SLC39A10: variants seen among roughly 807,000 people sequenced by gnomAD.
SLC39A10 encodes the protein solute carrier family 39 member 10, also known as zinc transporter ZIP10.
A neutral mutation model predicts 65.1 loss-of-function variants in SLC39A10; 13 were observed. The ratio of observed to expected loss-of-function variants is 0.20; its 90% confidence interval spans 0.13 to 0.32. SLC39A10 has a LOEUF of 0.32. SLC39A10 is among the 10% of genes least tolerant of loss of function. The pLI, the probability that SLC39A10 is intolerant of heterozygous loss-of-function variation, is 1.00. For missense variants in SLC39A10, 831 were observed against 1,018.4 expected (o/e 0.82, Z 2.50); for synonymous variants, 321 against 342.2 (o/e 0.94, Z 0.68).
At chr2:195,630,238 C>T (rs1688560039) in intron 2 of SLC39A10, among the ~76,000 whole-genome samples, 1 of 150,980 alleles carries the variant, frequency 6.6e-6, no homozygotes, top group Non-Finnish European at 1.5e-5. Flanking sequence ...GTTGGGGTTC[C>T]CACAACCCCC....
chr2:195,631,621 C>T (rs529177597), intron 2 of SLC39A10, among the ~76,000 whole-genome samples: 17 of 152,170 alleles, frequency 1.1e-4, no homozygotes, highest in African/African-American at 2.6e-4. Flanking sequence ...TTGGCATTTA[C>T]GCAAGATCAG....
intron 2 of SLC39A10, among the ~76,000 whole-genome samples, chr2:195,623,179 C>A (rs1374241820): frequency 6.6e-6 from 1 of 151,996 alleles, no homozygotes; most frequent in African/African-American, 2.4e-5. Flanking sequence ...GTAAATGAAT[C>A]ACTTCCCTTC....
chr2:195,689,908 G>A (rs1690664575), intron 3 of SLC39A10, among the ~76,000 whole-genome samples: 1 of 152,124 alleles, frequency 6.6e-6, no homozygotes, highest in South Asian at 2.1e-4. Flanking sequence ...CGGTCACAGT[G>A]GCTCACGCCT....
At chr2:195,698,249 A>G (rs770483733) in intron 3 of SLC39A10, among the ~76,000 whole-genome samples, 2 of 152,146 alleles carry the variant, frequency 1.3e-5, no homozygotes, top group Non-Finnish European at 2.9e-5. Flanking sequence ...ATGATTTTCT[A>G]TATGTAAGAT....
At chr2:195,622,611 A>G (rs1688372624) in intron 2 of SLC39A10, among the ~76,000 whole-genome samples, 1 of 152,200 alleles carries the variant, frequency 6.6e-6, no homozygotes, top group African/African-American at 2.4e-5. Context: ...AAGGTCAGGG[A>G]GTTTTAAAAG....
intron 8 of SLC39A10, among the ~76,000 whole-genome samples, chr2:195,723,504 G>A (rs915901142): frequency 8.5e-5 from 13 of 152,064 alleles, no homozygotes; most frequent in South Asian, 2.1e-4. Context: ...CCTGAGTGTC[G>A]TCTGCACTCT....
chr2:195,650,019 T>C (rs935574481), intron 2 of SLC39A10, among the ~76,000 whole-genome samples: 1 of 152,132 alleles, frequency 6.6e-6, no homozygotes, highest in African/African-American at 2.4e-5. Context: ...GAGGTATAAA[T>C]AGGTAATACA....
In SLC39A10 at chr2:195,680,575, T is replaced by C. The variant is rs764396270; in HGVS notation, c.533T>C (p.Leu178Pro). Reference sequence around the variant, plus strand: ...CATATGCATGACCATAATCACCGCCTACGTCATCACCATCGTTTGCATCAT... The same window carrying C: ...CATATGCATGACCATAATCACCGCCCACGTCATCACCATCGTTTGCATCAT... ...DKHMHDHNHRLRHHHRLHHHL... is the reference protein window; with the variant it reads ...DKHMHDHNHRPRHHHRLHHHL... Residue 178 changes from leucine to proline, a missense_variant, in exon 2 of 10, where the codon CTA becomes CCA. Transcript: ENST00000359634. 1 of 1,614,176 alleles carries C rather than the reference T, an allele frequency of 6.2e-7. No individual in the cohort carries two copies. The highest frequency in any genetic ancestry group is 8.5e-7 in the Non-Finnish European group (1 of 1,180,034).
chr2:195,734,330 C>T (rs1692518059), intron 9 of SLC39A10, among the ~76,000 whole-genome samples: 1 of 151,972 alleles, frequency 6.6e-6, no homozygotes, highest in African/African-American at 2.4e-5. Context: ...CCCACCACGC[C>T]CAGCTAATTT....
At chr2:195,691,026 C>T (rs932613738) in intron 3 of SLC39A10, among the ~76,000 whole-genome samples, 2 of 152,046 alleles carry the variant, frequency 1.3e-5, no homozygotes, top group African/African-American at 4.8e-5. Context: ...CGCTGAGTCC[C>T]CGAAGTTCAT....
chr2:195,637,709 G>T (rs892605014), intron 2 of SLC39A10, among the ~76,000 whole-genome samples: 1 of 152,170 alleles, frequency 6.6e-6, no homozygotes, highest in Admixed American at 6.5e-5. Flanking sequence ...TTAAACAAGG[G>T]TTTCTTCTTT....
intron 5 of SLC39A10, among the ~76,000 whole-genome samples, chr2:195,709,488 T>C (rs1691531045): frequency 6.6e-6 from 1 of 152,100 alleles, no homozygotes; most frequent in Admixed American, 6.6e-5. Flanking sequence ...TGCCTTAGCC[T>C]CCCAAAGTGC....
intron 2 of SLC39A10, among the ~76,000 whole-genome samples, chr2:195,624,774 G>A (rs1688427922): frequency 4.6e-5 from 7 of 150,788 alleles, no homozygotes; most frequent in Admixed American, 4.0e-4. Context: ...AGCTACTCAG[G>A]AGCCTGAGGC....
At chr2:195,636,516 C>G (rs1688698756) in intron 2 of SLC39A10, among the ~76,000 whole-genome samples, 1 of 152,144 alleles carries the variant, frequency 6.6e-6, no homozygotes, top group Admixed American at 6.5e-5. Context: ...CTTTGGGAGG[C>G]TGAGGCGGGT....
Position 195,685,095 on chromosome 2 carries a change from A to AT in SLC39A10, c.1216+1198dup, listed in dbSNP as rs201713991. Among the ~76,000 whole-genome samples the AT allele has an allele frequency of 1.8e-3, 272 of 149,762 alleles. 1 individual carries two copies. The highest frequency in any genetic ancestry group is 3.4e-3 in the Middle Eastern group (1 of 294). On this transcript the variant is annotated intron_variant, in intron 3 of 9. Coordinates refer to ENST00000359634, the MANE Select transcript of SLC39A10 (RefSeq NM_020342.3). ...CTATCTTATGTGTTGTTTTAAATGC[A>AT]TTTTTTTTTCACTAAATTTTGGCAG...
chr2:195,622,155 C>T (rs993136624), intron 2 of SLC39A10, among the ~76,000 whole-genome samples: 2 of 151,900 alleles, frequency 1.3e-5, no homozygotes, highest in African/African-American at 4.8e-5. Flanking sequence ...TGCTTGAGCC[C>T]AGCAGTTTGA....
chr2:195,723,030 TTC>T (rs2105837337), intron 8 of SLC39A10, among the ~76,000 whole-genome samples: 1 of 152,298 alleles, frequency 6.6e-6, no homozygotes, highest in African/African-American at 2.4e-5. Context: ...TTACCCCTTT[TTC>T]TCTCTGCAGT....
chr2:195,726,420 G>A (rs1692241589), intron 8 of SLC39A10, among the ~76,000 whole-genome samples: 1 of 152,130 alleles, frequency 6.6e-6, no homozygotes, highest in South Asian at 2.1e-4. Flanking sequence ...TGTTAGGGAA[G>A]TTAGGGAGCT....
intron 1 of SLC39A10, among the ~76,000 whole-genome samples, chr2:195,674,238 A>T (rs1287775043): frequency 6.6e-6 from 1 of 152,140 alleles, no homozygotes; most frequent in Non-Finnish European, 1.5e-5. Context: ...TTTAGGTTGT[A>T]GCAGGCAACA....
Sources: gnomAD v4.1 joint callset for allele counts (sites outside exome capture counted in the v4.1 genomes callset) on GRCh38, gnomAD v4.1.1 for gene constraint, MANE v1.5 for transcripts, NCBI Gene and HGNC (gene_info 2026-07-23, HGNC 2026-07-21) for gene names.